The following PPARGC1A variants were observed in gnomAD, a reference collection of about 807,000 sequenced individuals.
The protein encoded by PPARGC1A is PPARG coactivator 1 alpha, also known as peroxisome proliferator-activated receptor gamma coactivator 1-alpha.
A neutral mutation model predicts 88.7 loss-of-function variants in PPARGC1A; 25 were observed. The ratio of observed to expected loss-of-function variants is 0.28; its 90% CI spans 0.21 to 0.39. The LOEUF is 0.39. Among genes scored for constraint, PPARGC1A ranks in the 10% least tolerant of loss-of-function variants. The pLI is 1.00. For synonymous variants in PPARGC1A, 363 were observed against 355.6 expected (o/e 1.02, Z -0.24); for missense variants, 880 against 968.7 (o/e 0.91, Z 1.22).
the PPARGC1A span, among the ~76,000 whole-genome samples, chr4:24,310,370 T>C: frequency 1.2e-4 from 19 of 152,360 alleles, no homozygotes; most frequent in African/African-American, 4.6e-4. Context: ...TGGTTTGATT[T>C]ACTTTCTAGG....
At chr4:24,255,513 T>C in the PPARGC1A span, among the ~76,000 whole-genome samples, 1 of 152,200 alleles carries the variant, frequency 6.6e-6, no homozygotes. Context: ...CGGCTTTCCA[T>C]CTAAGAATCA....
At chr4:24,152,115 C>T in the PPARGC1A span, among the ~76,000 whole-genome samples, 5 of 152,168 alleles carry the variant, frequency 3.3e-5, no homozygotes, top group African/African-American at 1.2e-4. Flanking sequence ...TCTGCACAAG[C>T]ACATGCCCAA....
the PPARGC1A span, among the ~76,000 whole-genome samples, chr4:23,953,443 A>G: frequency 6.6e-6 from 1 of 152,240 alleles, no homozygotes; most frequent in South Asian, 2.1e-4. Context: ...TTATGGAACA[A>G]TGTTGGATTG....
the PPARGC1A span, among the ~76,000 whole-genome samples, chr4:24,423,662 T>C: frequency 3.3e-5 from 5 of 152,264 alleles, no homozygotes; most frequent in African/African-American, 1.2e-4. Context: ...CTAATGCTAC[T>C]GCTTTTTCTC....
chr4:24,070,690 A>G, the PPARGC1A span, among the ~76,000 whole-genome samples: 4 of 152,230 alleles, frequency 2.6e-5, no homozygotes, highest in Non-Finnish European at 5.9e-5. Flanking sequence ...ACTACGGTCC[A>G]TGGACCAAAT....
chr4:23,813,332 T>C (rs550668966), intron 8 of PPARGC1A, among the ~76,000 whole-genome samples: 5 of 152,310 alleles, frequency 3.3e-5, no homozygotes, highest in African/African-American at 7.2e-5. Context: ...GCGTCTCTTA[T>C]TGATGTTAAC....
At chr4:24,252,322 A>C in the PPARGC1A span, among the ~76,000 whole-genome samples, 1 of 152,170 alleles carries the variant, frequency 6.6e-6, no homozygotes, top group African/African-American at 2.4e-5. Context: ...ACCAGGAATC[A>C]CTGGAGTTTA....
At chr4:24,427,608 C>A in the PPARGC1A span, among the ~76,000 whole-genome samples, 1,288 of 152,226 alleles carry the variant, frequency 8.5e-3, 18 homozygotes, top group African/African-American at 0.029. Flanking sequence ...GGTGCTGGAT[C>A]TGCCTCACAG....
the PPARGC1A span, among the ~76,000 whole-genome samples, chr4:23,927,985 C>T: frequency 6.6e-6 from 1 of 152,028 alleles, no homozygotes; most frequent in Admixed American, 6.6e-5. Flanking sequence ...TGAGGAGTTC[C>T]AAAAGCAGGA....
the PPARGC1A span, among the ~76,000 whole-genome samples, chr4:23,913,259 TATATATATAGAG>T: frequency 1.4e-4 from 7 of 49,008 alleles, no homozygotes; most frequent in African/African-American, 1.4e-4. Context: ...TATATATATA[TATATATATAGAG>T]AGAGAGAGAG....
chr4:24,393,044 CACA>C, the PPARGC1A span, among the ~76,000 whole-genome samples: 12,585 of 136,874 alleles, frequency 0.092, 634 homozygotes, highest in Middle Eastern at 0.17. Flanking sequence ...CACACACACA[CACA>C]CCCCTTTTTC....
At chr4:24,370,447 A>G in the PPARGC1A span, among the ~76,000 whole-genome samples, 1 of 152,224 alleles carries the variant, frequency 6.6e-6, no homozygotes, top group Non-Finnish European at 1.5e-5. Context: ...ATAACACAAA[A>G]AAAGAGTAGA....
At chr4:24,300,881 C>G in the PPARGC1A span, among the ~76,000 whole-genome samples, 1 of 152,092 alleles carries the variant, frequency 6.6e-6, no homozygotes, top group African/African-American at 2.4e-5. Flanking sequence ...CTCTTCCTGT[C>G]TGAAACATAG....
At chr4:24,434,442 A>T in the PPARGC1A span, among the ~76,000 whole-genome samples, 2 of 152,132 alleles carry the variant, frequency 1.3e-5, no homozygotes, top group African/African-American at 2.4e-5. Context: ...TCACCTCTGG[A>T]TCACTAGTTC....
the PPARGC1A span, among the ~76,000 whole-genome samples, chr4:24,219,677 C>G: frequency 6.6e-6 from 1 of 152,210 alleles, no homozygotes; most frequent in Admixed American, 6.5e-5. Flanking sequence ...ATGGACGCTT[C>G]TGGTACTAGT....
At chr4:24,339,229 T>TACACACACACAC in the PPARGC1A span, among the ~76,000 whole-genome samples, 9 of 100,080 alleles carry the variant, frequency 9.0e-5, no homozygotes, top group African/African-American at 3.0e-4. Flanking sequence ...TATATATATA[T>TACACACACACAC]ATATATATAC....
At chr4:24,175,435 C>A in the PPARGC1A span, among the ~76,000 whole-genome samples, 1 of 139,298 alleles carries the variant, frequency 7.2e-6, no homozygotes, top group Admixed American at 7.6e-5. Context: ...AGCGTAGTGG[C>A]GCAATCTCAG....
At chr4:23,908,370 T>C (rs1720320219), upstream of PPARGC1A, among the ~76,000 whole-genome samples, 1 of 152,140 alleles carries the variant, frequency 6.6e-6, no homozygotes, top group Non-Finnish European at 1.5e-5. Context: ...ATCTGTATCA[T>C]AAAACTACAC....
At chr4:24,388,738 A>G in the PPARGC1A span, among the ~76,000 whole-genome samples, 7 of 151,930 alleles carry the variant, frequency 4.6e-5, no homozygotes, top group Non-Finnish European at 7.4e-5. Flanking sequence ...CAAACACTGC[A>G]TGTCCTCACT....
Sources: allele counts gnomAD v4.1 joint callset (sites outside exome capture counted in the v4.1 genomes callset), GRCh38; gene constraint gnomAD v4.1.1; transcripts MANE v1.5; gene names NCBI Gene and HGNC (gene_info 2026-07-23, HGNC 2026-07-21).